HMCN1: variants seen among roughly 807,000 people sequenced by gnomAD.
The protein encoded by HMCN1 is hemicentin 1, also known as hemicentin-1.
In HMCN1, 321 loss-of-function variants were observed where a neutral mutation model predicts 625.9. The ratio of observed to expected loss-of-function variants is 0.51; its 90% CI spans 0.47 to 0.56. The LOEUF (loss-of-function observed/expected upper bound fraction) is 0.56, where lower values mean the gene tolerates loss of function less well. Among genes scored for constraint, HMCN1 ranks in the 20% least tolerant of loss-of-function variants. The probability of loss-of-function intolerance (pLI) is 0.00; values close to 1 mark genes in which losing one functional copy is unlikely to be tolerated. For missense variants in HMCN1, 6,588 were observed against 6,887.3 expected (o/e 0.96, Z 1.54); for synonymous variants, 2,425 against 2,417.6 (o/e 1.00, Z -0.09).
chr1:185,758,580 G>A (rs1424399286), intron 1 of HMCN1, among the ~76,000 whole-genome samples: 1 of 152,184 alleles, frequency 6.6e-6, no homozygotes, highest in African/African-American at 2.4e-5. Context: ...AGGCTGCAGT[G>A]AGCCTTGATC....
In HMCN1 at chr1:186,093,268, A is replaced by T. The variant is rs1426139106; in HGVS notation, c.10012+10A>T. Reference sequence around the variant, plus strand: ...AACTTGAATGTCTATGGTAAATATGAAATATCCCCCTCTTTTGATGATGCT... The same window carrying T: ...AACTTGAATGTCTATGGTAAATATGTAATATCCCCCTCTTTTGATGATGCT... On this transcript the variant is annotated intron_variant, in intron 65 of 106. Transcript: ENST00000271588. The T allele has an allele frequency of 1.9e-6, 3 of 1,613,266 alleles. No homozygotes were observed.
At chr1:185,736,564 C>A (rs901768983) in intron 1 of HMCN1, among the ~76,000 whole-genome samples, 15 of 152,140 alleles carry the variant, frequency 9.9e-5, no homozygotes, top group Admixed American at 3.9e-4. Flanking sequence ...CCACGATTTG[C>A]TTTTCACCAA....
chr1:185,927,639 TA>T (rs1667344465), intron 9 of HMCN1, among the ~76,000 whole-genome samples: 2 of 152,188 alleles, frequency 1.3e-5, no homozygotes, highest in Non-Finnish European at 2.9e-5. Context: ...GATCTAGAGA[TA>T]TCACCATAAG....
At chr1:185,939,125 A>G (rs1365800419) in intron 11 of HMCN1, among the ~76,000 whole-genome samples, 1 of 152,208 alleles carries the variant, frequency 6.6e-6, no homozygotes, top group Non-Finnish European at 1.5e-5. Flanking sequence ...AGGCCATGGT[A>G]TGAAGAACTG....
chr1:185,807,131 A>G (rs1659224311), intron 1 of HMCN1, among the ~76,000 whole-genome samples: 2 of 152,208 alleles, frequency 1.3e-5, no homozygotes, highest in African/African-American at 2.4e-5. Context: ...TGTTAAATAA[A>G]TTTCCTATTT....
intron 68 of HMCN1, among the ~76,000 whole-genome samples, chr1:186,099,838 A>G (rs1283892737): frequency 6.6e-6 from 1 of 152,152 alleles, no homozygotes; most frequent in Non-Finnish European, 1.5e-5. Context: ...CAAGACAAGA[A>G]CTATATATGG....
chr1:186,070,878 A>G (rs950945484), intron 52 of HMCN1, 121 bp downstream of exon 52: 1 of 998,160 alleles, frequency 1.0e-6, no homozygotes, highest in African/African-American at 1.6e-5. Flanking sequence ...AAACTAGCAA[A>G]TGCCATGCTC....
At chr1:185,760,560 T>C (rs1459630511) in intron 1 of HMCN1, among the ~76,000 whole-genome samples, 1 of 152,204 alleles carries the variant, frequency 6.6e-6, no homozygotes, top group African/African-American at 2.4e-5. Flanking sequence ...GTGCCTACTC[T>C]ATGCCTTATA....
At chr1:185,904,351 A>T (rs1410061619) in intron 4 of HMCN1, among the ~76,000 whole-genome samples, 1 of 151,834 alleles carries the variant, frequency 6.6e-6, no homozygotes, top group Non-Finnish European at 1.5e-5. Context: ...CTACAAAATG[A>T]TTGTTTTGGA....
intron 30 of HMCN1, among the ~76,000 whole-genome samples, chr1:186,008,078 A>T (rs774600786): frequency 7.9e-5 from 12 of 152,104 alleles, no homozygotes; most frequent in Non-Finnish European, 1.6e-4. Flanking sequence ...AGCACACATC[A>T]CTATCTGATA....
intron 100 of HMCN1, among the ~76,000 whole-genome samples, chr1:186,169,274 A>C (rs756305507): frequency 3.3e-5 from 5 of 152,204 alleles, no homozygotes; most frequent in African/African-American, 1.2e-4. Context: ...TCCCAATTTA[A>C]TTTACAGATT....
At chr1:185,745,549 G>C (rs1278180047) in intron 1 of HMCN1, among the ~76,000 whole-genome samples, 1 of 152,220 alleles carries the variant, frequency 6.6e-6, no homozygotes, top group Non-Finnish European at 1.5e-5. Flanking sequence ...TCACCAGGCA[G>C]TTATATTCCT....
chr1:185,781,955 C>A (rs1042159593), intron 1 of HMCN1, among the ~76,000 whole-genome samples: 5 of 152,148 alleles, frequency 3.3e-5, no homozygotes, highest in African/African-American at 9.7e-5. Flanking sequence ...GTGTTAAAGT[C>A]TCCCATTATT....
At chr1:185,761,435 A>G (rs1251259737) in intron 1 of HMCN1, among the ~76,000 whole-genome samples, 3 of 152,064 alleles carry the variant, frequency 2.0e-5, no homozygotes, top group Non-Finnish European at 4.4e-5. Flanking sequence ...TTTAGTTTGT[A>G]TGTGTCTACA....
At chr1:185,738,537 C>G (rs538343772) in intron 1 of HMCN1, among the ~76,000 whole-genome samples, 1 of 152,142 alleles carries the variant, frequency 6.6e-6, no homozygotes, top group African/African-American at 2.4e-5. Context: ...GTATGATATA[C>G]CACATTTTGT....
chr1:185,885,363 C>G (rs1057310499), intron 4 of HMCN1, among the ~76,000 whole-genome samples: 1 of 151,854 alleles, frequency 6.6e-6, no homozygotes, highest in Non-Finnish European at 1.5e-5. Flanking sequence ...TTTTGAAAAT[C>G]ATTAGGCAAT....
chr1:185,894,057 C>A (rs1434071011), intron 4 of HMCN1, among the ~76,000 whole-genome samples: 2 of 134,628 alleles, frequency 1.5e-5, no homozygotes, highest in African/African-American at 8.0e-5. Flanking sequence ...ATGGCGTGAA[C>A]CCGGGAGGCA....
chr1:185,934,752 T>G (rs1003761088), intron 11 of HMCN1, among the ~76,000 whole-genome samples: 2 of 152,178 alleles, frequency 1.3e-5, no homozygotes, highest in Non-Finnish European at 2.9e-5. Context: ...AGAAACAACT[T>G]TATAACATGC....
intron 35 of HMCN1, among the ~76,000 whole-genome samples, chr1:186,021,578 A>G (rs1366568304): frequency 6.6e-6 from 1 of 152,116 alleles, no homozygotes; most frequent in Non-Finnish European, 1.5e-5. Flanking sequence ...ACCATGTAAT[A>G]TAATAGTCCA....
Sources: allele counts gnomAD v4.1 joint callset (sites outside exome capture counted in the v4.1 genomes callset), GRCh38; gene constraint gnomAD v4.1.1; transcripts MANE v1.5; gene names NCBI Gene and HGNC (gene_info 2026-07-23, HGNC 2026-07-21).